Variants in APOBEC3F observed in about 807,000 individuals in gnomAD.
The protein encoded by APOBEC3F is apolipoprotein B mRNA editing enzyme catalytic subunit 3F.
Under a neutral mutation model 45.8 loss-of-function variants are expected in APOBEC3F, and 34 were observed. The ratio of observed to expected loss-of-function variants is 0.74; its 90% CI spans 0.57 to 0.99. APOBEC3F has a LOEUF of 0.99. APOBEC3F is among the 50% of genes least tolerant of loss of function. The probability of loss-of-function intolerance (pLI) is 0.00; values close to 1 mark genes in which losing one functional copy is unlikely to be tolerated. For missense variants in APOBEC3F, 459 were observed against 474.1 expected, an observed-to-expected ratio of 0.97 and a Z score of 0.30; for synonymous variants, 192 against 174.4, an observed-to-expected ratio of 1.10 and a Z score of -0.80.
intron 2 of APOBEC3F, among the ~76,000 whole-genome samples, chr22:39,043,332 C>G (rs1927023050): frequency 7.0e-6 from 1 of 143,576 alleles, no homozygotes; most frequent in South Asian, 2.3e-4. Context: ...CAGAGTTTCA[C>G]TCTTGTTGCT....
chr22:39,055,182 C>T lies in APOBEC3F; in HGVS notation c.*2487C>T, dbSNP rs188346788. On this transcript the variant is annotated 3_prime_UTR_variant, in exon 7 of 7. Coordinates refer to ENST00000308521, the MANE Select transcript of APOBEC3F (RefSeq NM_145298.6). ...CTGCCTTCCGAGTTCAAGCGATTCT[C>T]GTGCCTCAGCCTCCTGAGTAGCTGG... Among the ~76,000 whole-genome samples, 2 of 151,706 alleles carry T rather than the reference C, an allele frequency of 1.3e-5. No individual in the cohort carries two copies. Among genetic ancestry groups the T allele is most frequent in the African/African-American group, 2.4e-5 (1 of 41,288 alleles).
In APOBEC3F at chr22:39,044,041, A is replaced by C. The variant is rs374418744; in HGVS notation, c.172-900A>C. 2.3e-5 allele frequency: 34 copies of C among 1,496,372 alleles called. No individual in the cohort carries two copies. The African/African-American group carries it at 4.4e-4, about 20-fold the overall frequency. 92.7% of individuals were successfully genotyped at this position (1,496,372 alleles called of 1,614,324 possible). A position where few individuals can be genotyped will look rare whatever the true frequency, so the allele number is the denominator to read the frequency against. On this transcript the variant is annotated intron_variant, in intron 2 of 6. Transcript: ENST00000308521. ...ACTACGTCTCAAAACAAAAACAAAA[A>C]ACAAAAAAAGATAAATGAGCGGTGT...
Position 39,054,541 on chromosome 22 carries a change from T to G in APOBEC3F, c.*1846T>G, listed in dbSNP as rs982796776. On this transcript the variant is annotated 3_prime_UTR_variant, in exon 7 of 7. Transcript: ENST00000308521. ...CACCTGGCCAGGCTTAGGCTGGTCTTAAACTCCTGACCTCAAGTGATCCAA... is the reference window on the plus strand; with the variant it reads ...CACCTGGCCAGGCTTAGGCTGGTCTGAAACTCCTGACCTCAAGTGATCCAA... Among the ~76,000 whole-genome samples, 1 of 152,172 alleles carries G rather than the reference T, an allele frequency of 6.6e-6. No individual in the cohort carries two copies. Among genetic ancestry groups the G allele is most frequent in the Non-Finnish European group, 1.5e-5 (1 of 68,022 alleles).
intron 4 of APOBEC3F, among the ~76,000 whole-genome samples, chr22:39,049,038 G>C (rs369588589): frequency 6.6e-6 from 1 of 152,002 alleles, no homozygotes; most frequent in Admixed American, 6.6e-5. Context: ...CTGGGAATTC[G>C]GTGTGATACC....
intron 4 of APOBEC3F, 73 bp downstream of exon 4, chr22:39,045,615 C>A: frequency 1.2e-6 from 2 of 1,604,752 alleles, no homozygotes; most frequent in South Asian, 2.2e-5. Context: ...CCTCCCCTGG[C>A]CAGGCCCTCC....
In APOBEC3F at chr22:39,048,231, G is replaced by C. The variant is rs1417667273; in HGVS notation, c.567-1194G>C. Among the ~76,000 whole-genome samples the C allele has an allele frequency of 3.3e-5, 5 of 152,300 alleles. No individual in the cohort carries two copies. The South Asian group carries it at 1.0e-3, about 32-fold the overall frequency. ...GGCTGGACAGGGCTGGCCCGGAAAGGGGCCCCAGCTCCATCCATCCCCATC... is the reference window on the plus strand; with the variant it reads ...GGCTGGACAGGGCTGGCCCGGAAAGCGGCCCCAGCTCCATCCATCCCCATC... On this transcript the variant is annotated intron_variant, in intron 4 of 6. Transcript: ENST00000308521.
chr22:39,045,334 G>A (rs1444159203), intron 3 of APOBEC3F, 94 bp from the exon 4 acceptor site: 27 of 1,604,982 alleles, frequency 1.7e-5, no homozygotes, highest in Non-Finnish European at 2.1e-5. Context: ...GGCGGGGCCA[G>A]CACTGACAGC....
chr22:39,042,850 T>G, intron 1 of APOBEC3F, 87 bp from the exon 2 acceptor site: 1 of 1,565,696 alleles, frequency 6.4e-7, no homozygotes, highest in Non-Finnish European at 8.7e-7. Context: ...CCCAGAGCCA[T>G]GCAGGGGGCT....
chr22:39,049,466 A>G lies in APOBEC3F; in HGVS notation c.608A>G (p.His203Arg). Residue 203 changes from histidine (H) to arginine (R), a missense_variant, in exon 5 of 7, where the codon CAC becomes CGC. Coordinates refer to ENST00000308521, the MANE Select transcript of APOBEC3F (RefSeq NM_145298.6). Reference protein sequence around the residue: ...EAMYPHIFYFHFKNLRKAYGR... With the variant: ...EAMYPHIFYFRFKNLRKAYGR... The stretch of plus-strand genomic sequence containing the variant: ...ATGTATCCACACATATTCTACTTCC[A>G]CTTTAAAAACCTACGCAAAGCCTAT... 1 of 1,613,976 alleles carries G rather than the reference A, an allele frequency of 6.2e-7. No individual in the cohort carries two copies. The highest frequency in any genetic ancestry group is 8.5e-7 in the Non-Finnish European group (1 of 1,179,988).
At chr22:39,049,292 C>G in intron 4 of APOBEC3F, 133 bp from the exon 5 acceptor site, 2 of 1,139,716 alleles carry the variant, frequency 1.8e-6, no homozygotes, top group Non-Finnish European at 2.5e-6. Context: ...CCTCCTCTTT[C>G]TCTCTCCCAG....
At position 39,045,326 on chromosome 22, in the gene APOBEC3F, C is replaced by T. The variant is rs575186038; in HGVS notation, c.452-102C>T. On this transcript the variant is annotated intron_variant, in intron 3 of 6. Coordinates refer to ENST00000308521, the MANE Select transcript of APOBEC3F (RefSeq NM_145298.6). ...GGTGTCCCAGGGCAGCCTGCAGGGG[C>T]GGGGCCAGCACTGACAGCAACTGAC... 295 of 1,601,198 alleles carry T rather than the reference C, an allele frequency of 1.8e-4. 1 individual carries two copies. The South Asian group carries it at 3.0e-3, about 16-fold the overall frequency.
Position 39,045,217 on chromosome 22 carries a change from G to A in APOBEC3F, c.448G>A (p.Glu150Lys), listed in dbSNP as rs749010543. The A allele has an allele frequency of 1.2e-6, 2 of 1,614,016 alleles. No individual in the cohort carries two copies. Among genetic ancestry groups the A allele is most frequent in the Admixed American group, 3.3e-5 (2 of 60,012 alleles). ...GGCCCGCGTGAAGATTATGGACGAT[G>A]AAGGTGAGAGGTGGAGGGGTCAGGG... ...AGARVKIMDD[E>K]EFAYCWENFV... The change falls in exon 3 of 7, where the codon GAA becomes AAA. Residue 150 changes from glutamate (E) to lysine (K), a missense_variant. By Grantham distance (56) the Glu-to-Lys change is moderately conservative (BLOSUM62 1). Transcript: ENST00000308521.
chr22:39,051,947 C>T, intron 5 of APOBEC3F, 127 bp from the exon 6 acceptor site: 1 of 1,396,276 alleles, frequency 7.2e-7, no homozygotes. Context: ...AGGAGAGACC[C>T]TGTCTCAAAA....
intron 5 of APOBEC3F, among the ~76,000 whole-genome samples, chr22:39,051,536 CAAA>C (rs35583360): frequency 6.7e-5 from 7 of 104,522 alleles, no homozygotes; most frequent in Admixed American, 1.8e-4. Flanking sequence ...GACTCAGTAT[CAAA>C]AAAAAAAAAA....
Position 39,040,953 on chromosome 22 carries a change from G to C in APOBEC3F, c.-8G>C. 2 of 1,578,368 alleles carry C rather than the reference G, an allele frequency of 1.3e-6. No homozygotes were observed. Among genetic ancestry groups the C allele is most frequent in the Non-Finnish European group, 8.6e-7 (1 of 1,161,686 alleles). ...ACAAAGATCTTAGTCGGGACTAGCC[G>C]GCCAAGGATGAAGCCTCACTTCAGG... On this transcript the variant is annotated 5_prime_UTR_variant, in exon 1 of 7. Coordinates refer to ENST00000308521, the MANE Select transcript of APOBEC3F (RefSeq NM_145298.6).
intron 2 of APOBEC3F, among the ~76,000 whole-genome samples, chr22:39,043,644 A>G (rs1382093021): frequency 3.3e-5 from 5 of 151,912 alleles, no homozygotes; most frequent in African/African-American, 1.2e-4. Flanking sequence ...TGTGGCTAAC[A>G]TATTACTTCA....
At chr22:39,050,546 G>T (rs1209235543) in intron 5 of APOBEC3F, among the ~76,000 whole-genome samples, 1 of 149,118 alleles carries the variant, frequency 6.7e-6, no homozygotes, top group Non-Finnish European at 1.5e-5. Flanking sequence ...CGCTAAAAAG[G>T]CGACAAGAAC....
At chr22:39,043,271 G>A (rs551051005) in intron 2 of APOBEC3F, among the ~76,000 whole-genome samples, 181 bp downstream of exon 2, 1 of 151,746 alleles carries the variant, frequency 6.6e-6, no homozygotes, top group South Asian at 2.1e-4. Context: ...TCGTGGAGGG[G>A]GTTTGCCTTT....
chr22:39,043,122 A>C (rs375633960), intron 2 of APOBEC3F, 32 bp downstream of exon 2: 1 of 1,612,956 alleles, frequency 6.2e-7, no homozygotes, highest in South Asian at 1.1e-5. Flanking sequence ...CTTTGCAGGC[A>C]GGAGCTAAGC....
Sources: gnomAD v4.1 joint callset for allele counts (sites outside exome capture counted in the v4.1 genomes callset) on GRCh38, gnomAD v4.1.1 for gene constraint, MANE v1.5 for transcripts, NCBI Gene and HGNC (gene_info 2026-07-23, HGNC 2026-07-21) for gene names.